The following CYP2C19 variants were observed in gnomAD, a reference collection of about 807,000 sequenced individuals.
CYP2C19 encodes cytochrome P450 2C19.
A neutral mutation model predicts 40.9 loss-of-function variants in CYP2C19; 59 were observed. The observed-to-expected ratio is 1.44, with a 90% CI of 1.17 to 1.79. The LOEUF (loss-of-function observed/expected upper bound fraction) is 1.79. Ranked by LOEUF, CYP2C19 falls within the 40% of genes most tolerant of loss-of-function variation. CYP2C19 has a pLI of 0.00. For synonymous variants in CYP2C19, 253 were observed against 208.7 expected (o/e 1.21, Z -1.83); for missense variants, 754 against 596.9 (o/e 1.26, Z -2.74).
intron 6 of CYP2C19, among the ~76,000 whole-genome samples, chr10:94,835,730 T>C (rs1448413291): frequency 1.3e-5 from 2 of 152,180 alleles, no homozygotes; most frequent in African/African-American, 4.8e-5. Context: ...TCCATATTGC[T>C]TCATGGACAT....
intron 5 of CYP2C19, among the ~76,000 whole-genome samples, chr10:94,798,011 A>T (rs547471035): frequency 6.6e-6 from 1 of 151,814 alleles, no homozygotes; most frequent in East Asian, 1.9e-4. Context: ...CTCTGATCTT[A>T]GTTATTTCTT....
intron 6 of CYP2C19, among the ~76,000 whole-genome samples, chr10:94,826,916 T>C (rs762016445): frequency 1.3e-5 from 2 of 152,170 alleles, no homozygotes; most frequent in Non-Finnish European, 2.9e-5. Flanking sequence ...AGTATTGAGA[T>C]AATCATGTGG....
chr10:94,769,948 CA>C (rs1434330476), intron 1 of CYP2C19, among the ~76,000 whole-genome samples: 3 of 152,128 alleles, frequency 2.0e-5, no homozygotes, highest in African/African-American at 4.8e-5. Context: ...TCAGACATAA[CA>C]AGAAAGGCAT....
intron 5 of CYP2C19, among the ~76,000 whole-genome samples, chr10:94,793,924 C>T (rs1255288954): frequency 3.9e-5 from 6 of 152,156 alleles, no homozygotes; most frequent in Non-Finnish European, 8.8e-5. Context: ...GAAGTTTCTG[C>T]TGCCTTTTGT....
intron 5 of CYP2C19, among the ~76,000 whole-genome samples, chr10:94,796,494 A>G (rs1406577931): frequency 6.6e-6 from 1 of 152,072 alleles, no homozygotes; most frequent in African/African-American, 2.4e-5. Context: ...TTTTATTTCC[A>G]CAAGATCTTT....
At chr10:94,840,700 G>A (rs571792023) in intron 6 of CYP2C19, among the ~76,000 whole-genome samples, 5 of 152,310 alleles carry the variant, frequency 3.3e-5, no homozygotes, top group South Asian at 2.1e-4. Context: ...GATCTCAACC[G>A]GCTACTGCCA....
intron 3 of CYP2C19, among the ~76,000 whole-genome samples, chr10:94,776,944 T>A (rs187292506): frequency 8.5e-5 from 13 of 152,290 alleles, no homozygotes; most frequent in African/African-American, 3.1e-4. Context: ...ATAAGCAAAT[T>A]CAGCAACGTC....
chr10:94,789,413 C>T (rs557784898), intron 5 of CYP2C19, among the ~76,000 whole-genome samples: 1 of 152,020 alleles, frequency 6.6e-6, no homozygotes, highest in East Asian at 1.9e-4. Context: ...TCATAAAGTC[C>T]TTGCCCATGC....
At chr10:94,797,108 G>A (rs902635859) in intron 5 of CYP2C19, among the ~76,000 whole-genome samples, 1 of 152,082 alleles carries the variant, frequency 6.6e-6, no homozygotes, top group East Asian at 1.9e-4. Context: ...TGCCCATTCA[G>A]TATGATATTG....
intron 6 of CYP2C19, among the ~76,000 whole-genome samples, chr10:94,827,723 T>C (rs906294177): frequency 2.4e-4 from 37 of 152,208 alleles, no homozygotes; most frequent in African/African-American, 8.4e-4. Context: ...ATGTGTTTGC[T>C]CTTGCTTTTC....
chr10:94,830,650 C>G (rs1269527905), intron 6 of CYP2C19, among the ~76,000 whole-genome samples: 1 of 152,342 alleles, frequency 6.6e-6, no homozygotes, highest in Middle Eastern at 3.4e-3. Context: ...TAGACCAGAG[C>G]TGTTCCTATT....
intron 5 of CYP2C19, among the ~76,000 whole-genome samples, chr10:94,817,418 A>C (rs1849024164): frequency 7.1e-6 from 1 of 141,618 alleles, no homozygotes; most frequent in African/African-American, 2.6e-5. Context: ...CCACTTTTTG[A>C]TGGGGTTGTT....
rs547822797 is a variant in CYP2C19, at chr10:94,820,513, G to A, written c.837G>A (p.Gln279=). ...ATTCCTAGGAAAAGCAAAACCAACA[G>A]TCTGAATTCACTATTGAAAACTTGG... ...IKMEKEKQNQ[Q]SEFTIENLVI... The change falls in exon 6 of 9, where the codon CAG becomes CAA. Residue 279 remains glutamine (Q), a synonymous_variant. Coordinates refer to ENST00000371321, the MANE Select transcript of CYP2C19 (RefSeq NM_000769.4). The A allele has an allele frequency of 3.3e-5, 53 of 1,614,120 alleles. No individual in the cohort carries two copies. In the Admixed American group the frequency reaches 8.7e-4, roughly 26 times the overall value.
chr10:94,770,467 T>C (rs1848312970), intron 1 of CYP2C19, among the ~76,000 whole-genome samples: 2 of 152,126 alleles, frequency 1.3e-5, no homozygotes. Context: ...CTGTGACCTT[T>C]CTCTGATCTC....
intron 7 of CYP2C19, among the ~76,000 whole-genome samples, chr10:94,849,088 G>A (rs1408927370): frequency 1.3e-5 from 2 of 152,102 alleles, no homozygotes; most frequent in East Asian, 1.9e-4. Context: ...CTGCCTGATA[G>A]CCCTGTCCAG....
chr10:94,824,603 T>A (rs1421819171), intron 6 of CYP2C19, among the ~76,000 whole-genome samples: 3 of 152,216 alleles, frequency 2.0e-5, no homozygotes, highest in Admixed American at 6.5e-5. Context: ...CCTGTTTTTT[T>A]CCAAGACAGT....
At chr10:94,779,130 G>A (rs917077106) in intron 3 of CYP2C19, among the ~76,000 whole-genome samples, 4 of 152,008 alleles carry the variant, frequency 2.6e-5, no homozygotes, top group Non-Finnish European at 5.9e-5. Flanking sequence ...GGGGGGCAAG[G>A]GGAGGGAAAG....
rs369778631 is a variant in CYP2C19 at position 94,820,642 on chromosome 10, G to A, written c.961+5G>A. 4 of 1,614,182 alleles carry A rather than the reference G, an allele frequency of 2.5e-6. No individual in the cohort carries two copies. The highest frequency in any genetic ancestry group is 3.4e-6 in the Non-Finnish European group (4 of 1,180,016). On this transcript the variant is annotated splice_donor_5th_base_variant and intron_variant, in intron 6 of 8. Transcript: ENST00000371321. ...TGAAGCACCCAGAGGTCACAGGTAT[G>A]ATCACAGAGGATGAGTTAATTGAGT...
At position 94,849,973 on chromosome 10, in the gene CYP2C19, C is replaced by A. The variant is rs758749316; in HGVS notation, c.1206C>A (p.Pro402=). Reference sequence around the variant, plus strand: ...TGCTACATGACAACAAAGAATTTCCCAACCCAGAGATGTTTGACCCTCGTC... The same window carrying A: ...TGCTACATGACAACAAAGAATTTCCAAACCCAGAGATGTTTGACCCTCGTC... The part of the protein sequence containing the change: ...TSVLHDNKEF[P]NPEMFDPRHF... Residue 402 remains proline, a synonymous_variant, in exon 8 of 9, where the codon CCC becomes CCA. Coordinates refer to ENST00000371321, the MANE Select transcript of CYP2C19 (RefSeq NM_000769.4). 1.2e-6 allele frequency: 2 copies of A among 1,613,646 alleles called. No homozygotes were observed. Among genetic ancestry groups the A allele is most frequent in the Non-Finnish European group, 1.7e-6 (2 of 1,179,792 alleles).
Sources: allele counts gnomAD v4.1 joint callset (sites outside exome capture counted in the v4.1 genomes callset), GRCh38; gene constraint gnomAD v4.1.1; transcripts MANE v1.5; gene names NCBI Gene and HGNC (gene_info 2026-07-23, HGNC 2026-07-21).